SLC39A12: variants seen among roughly 807,000 people sequenced by gnomAD.
SLC39A12 encodes solute carrier family 39 member 12.
In SLC39A12, 63 loss-of-function variants were observed where a neutral mutation model predicts 71.1. That is an observed-to-expected ratio of 0.89 (90% CI 0.72 to 1.09). The LOEUF (loss-of-function observed/expected upper bound fraction) is 1.09. SLC39A12 is among the 50% of genes least tolerant of loss of function. The pLI is 0.00. For missense variants in SLC39A12, 892 were observed against 812.6 expected (o/e 1.10, Z -1.19); for synonymous variants, 351 against 301.3 (o/e 1.16, Z -1.71).
chr10:17,985,686 A>T (rs973576298), intron 6 of SLC39A12, among the ~76,000 whole-genome samples: 2 of 151,628 alleles, frequency 1.3e-5, no homozygotes, highest in Non-Finnish European at 2.9e-5. Context: ...GCCATAGATA[A>T]CTCCTTATCT....
intron 6 of SLC39A12, among the ~76,000 whole-genome samples, chr10:17,984,018 T>C (rs1835340440): frequency 2.0e-5 from 3 of 152,224 alleles, no homozygotes; most frequent in Non-Finnish European, 4.4e-5. Flanking sequence ...AAGAGTATTA[T>C]GGCCATGTAC....
rs1319675306 is a variant in SLC39A12, at chr10:18,036,788, A to ATTTTTTTTT, written c.1948-5916_1948-5915insTTTTTTTTT. On this transcript the variant is annotated intron_variant, in intron 12 of 12. Transcript: ENST00000377369. ...TATATATATATATATATATATATAT[A>ATTTTTTTTT]TATATATTTTTTTTTTTAATGGAAT... 6.5e-4 allele frequency among the ~76,000 whole-genome samples: 11 copies of ATTTTTTTTT among 17,010 alleles called. 1 individual carries two copies. The highest frequency in any genetic ancestry group is 1.4e-3 in the African/African-American group (8 of 5,644). The allele number at this position is 17,010 out of a possible 152,430, so 11.2% of individuals were successfully genotyped here. A position where few individuals can be genotyped will look rare whatever the true frequency, so the allele number is the denominator to read the frequency against.
chr10:18,021,024 T>A (rs947668188), intron 12 of SLC39A12, among the ~76,000 whole-genome samples: 1 of 152,146 alleles, frequency 6.6e-6, no homozygotes, highest in Non-Finnish European at 1.5e-5. Context: ...TTTTGGAGTC[T>A]CTGTCATGAA....
intron 3 of SLC39A12, among the ~76,000 whole-genome samples, chr10:17,964,372 T>A (rs948951689): frequency 9.9e-5 from 15 of 152,132 alleles, no homozygotes; most frequent in African/African-American, 3.6e-4. Context: ...TTACAGACTT[T>A]AAAAAAATAA....
At chr10:18,035,926 C>T (rs1405054534) in intron 12 of SLC39A12, among the ~76,000 whole-genome samples, 2 of 152,054 alleles carry the variant, frequency 1.3e-5, no homozygotes, top group Admixed American at 6.6e-5. Context: ...GTCAGTGTGC[C>T]CCTGCTGGGG....
At chr10:18,000,294 G>A (rs1326052924) in intron 10 of SLC39A12, among the ~76,000 whole-genome samples, 1 of 152,188 alleles carries the variant, frequency 6.6e-6, no homozygotes, top group Non-Finnish European at 1.5e-5. Flanking sequence ...TTAGTCTATA[G>A]CAAGTTTCTT....
At chr10:17,985,270 G>A (rs1835370918) in intron 6 of SLC39A12, among the ~76,000 whole-genome samples, 1 of 152,188 alleles carries the variant, frequency 6.6e-6, no homozygotes, top group Admixed American at 6.5e-5. Flanking sequence ...TTGAGCCCGG[G>A]AGGTGGAGGT....
chr10:17,968,228 A>G (rs901085650), intron 4 of SLC39A12, among the ~76,000 whole-genome samples: 3 of 151,934 alleles, frequency 2.0e-5, no homozygotes, highest in Non-Finnish European at 4.4e-5. Context: ...GCTTTTATTT[A>G]CTTTCTCATC....
chr10:18,022,241 C>T (rs960530538), intron 12 of SLC39A12, among the ~76,000 whole-genome samples: 3 of 152,072 alleles, frequency 2.0e-5, no homozygotes, highest in South Asian at 2.1e-4. Context: ...GCTTCCTCTC[C>T]GTGTCTTCCA....
At chr10:18,035,272 CT>C (rs1387926091) in intron 12 of SLC39A12, among the ~76,000 whole-genome samples, 4 of 143,228 alleles carry the variant, frequency 2.8e-5, no homozygotes, top group Non-Finnish European at 6.0e-5. Context: ...CTCCCCATCA[CT>C]TTCAGGTACA....
intron 12 of SLC39A12, among the ~76,000 whole-genome samples, chr10:18,021,332 G>A (rs1435636204): frequency 1.3e-5 from 2 of 151,742 alleles, no homozygotes; most frequent in African/African-American, 4.8e-5. Context: ...GGATAATTAC[G>A]TCTTGTTGAA....
chr10:18,034,787 G>A (rs1338844919), intron 12 of SLC39A12, among the ~76,000 whole-genome samples: 19 of 150,002 alleles, frequency 1.3e-4, no homozygotes, highest in South Asian at 1.1e-3. Context: ...GGCTGGTACC[G>A]GTTGTTCCTT....
At chr10:17,954,666 A>T (rs1480053242) in intron 2 of SLC39A12, among the ~76,000 whole-genome samples, 2 of 152,180 alleles carry the variant, frequency 1.3e-5, no homozygotes, top group Non-Finnish European at 2.9e-5. Context: ...ACAAAAGAAA[A>T]AATAAAACCT....
intron 1 of SLC39A12, among the ~76,000 whole-genome samples, chr10:17,952,491 CTTTTTTTT>C (rs11288880): frequency 1.6e-5 from 2 of 128,556 alleles, no homozygotes; most frequent in Admixed American, 8.0e-5. Context: ...TTTCTTTTTT[CTTTTTTTT>C]TTTTTTGAGA....
intron 12 of SLC39A12, chr10:18,005,482 T>G (rs1835987249): frequency 6.6e-6 from 1 of 152,258 alleles, no homozygotes; most frequent in African/African-American, 2.4e-5. Context: ...CGATTTCTAA[T>G]TTCTCTTTAT....
At chr10:17,992,942 G>C (rs1283254026) in intron 8 of SLC39A12, among the ~76,000 whole-genome samples, 1 of 152,102 alleles carries the variant, frequency 6.6e-6, no homozygotes, top group African/African-American at 2.4e-5. Flanking sequence ...ATTTAATTTT[G>C]TGTAAATATA....
At chr10:17,966,673 A>G (rs1834832252) in intron 4 of SLC39A12, among the ~76,000 whole-genome samples, 1 of 152,010 alleles carries the variant, frequency 6.6e-6, no homozygotes, top group Non-Finnish European at 1.5e-5. Flanking sequence ...ATTCCTTAAT[A>G]TCATAAAAAA....
chr10:17,995,913 A>C (rs1456371785), intron 10 of SLC39A12, among the ~76,000 whole-genome samples, 191 bp downstream of exon 10: 1 of 152,238 alleles, frequency 6.6e-6, no homozygotes, highest in East Asian at 1.9e-4. Context: ...ATTCATATCA[A>C]TTTTACTCCT....
At position 17,973,618 on chromosome 10, in the gene SLC39A12, C is replaced by G. The variant is rs548722038; in HGVS notation, c.752-4284C>G. Among the ~76,000 whole-genome samples, 8 of 152,168 alleles carry G rather than the reference C, an allele frequency of 5.3e-5. No individual in the cohort carries two copies. In the South Asian group the frequency reaches 1.7e-3, roughly 32 times the overall value. The stretch of plus-strand genomic sequence containing the variant: ...GTCTGCTGTCAGACATGTTGGAGTT[C>G]CATTGTATATTTGTTCCTTTTCTCC... On this transcript the variant is annotated intron_variant, in intron 4 of 12. Coordinates refer to ENST00000377369, the MANE Select transcript of SLC39A12 (RefSeq NM_001145195.2).
Sources: gnomAD v4.1 joint callset for allele counts (sites outside exome capture counted in the v4.1 genomes callset) on GRCh38, gnomAD v4.1.1 for gene constraint, MANE v1.5 for transcripts, NCBI Gene and HGNC (gene_info 2026-07-23, HGNC 2026-07-21) for gene names.